The following ZFHX3 variants were observed in gnomAD, a reference collection of about 807,000 sequenced individuals.
ZFHX3 encodes zinc finger homeobox protein 3.
A neutral mutation model predicts 279.1 loss-of-function variants in ZFHX3; 42 were observed. That is an observed-to-expected ratio of 0.15 (90% CI 0.12 to 0.19). The LOEUF (loss-of-function observed/expected upper bound fraction) is 0.19, where lower values mean the gene tolerates loss of function less well. Among genes scored for constraint, ZFHX3 ranks in the 10% least tolerant of loss-of-function variants. ZFHX3 has a pLI of 1.00. For missense variants in ZFHX3, 4,981 were observed against 4,754.0 expected, an observed-to-expected ratio of 1.05 and a Z score of -1.40; for synonymous variants, 2,293 against 1,957.8, an observed-to-expected ratio of 1.17 and a Z score of -4.52.
At chr16:72,854,809 CCTT>C (rs907104093) in intron 4 of ZFHX3, among the ~76,000 whole-genome samples, 7 of 151,864 alleles carry the variant, frequency 4.6e-5, no homozygotes, top group African/African-American at 1.7e-4. Flanking sequence ...TTTTTAAAAC[CCTT>C]CTTAACACTT....
intron 5 of ZFHX3, among the ~76,000 whole-genome samples, chr16:73,148,184 C>A (rs1485880256): frequency 6.6e-6 from 1 of 152,230 alleles, no homozygotes; most frequent in Non-Finnish European, 1.5e-5. Context: ...CTTGTTATGA[C>A]AGAGACAGCA....
At chr16:73,703,630 T>C (rs899180891) in intron 1 of ZFHX3, among the ~76,000 whole-genome samples, 4 of 152,090 alleles carry the variant, frequency 2.6e-5, no homozygotes, top group African/African-American at 9.7e-5. Context: ...ATCGGTAGAC[T>C]GTGCCTACCT....
At chr16:73,437,602 C>T (rs995179662) in intron 3 of ZFHX3, among the ~76,000 whole-genome samples, 2 of 152,028 alleles carry the variant, frequency 1.3e-5, no homozygotes, top group East Asian at 1.9e-4. Flanking sequence ...CCTTTTCTTC[C>T]TATAGAAGAC....
chr16:73,672,583 G>A (rs2052914368), intron 2 of ZFHX3, among the ~76,000 whole-genome samples: 1 of 151,922 alleles, frequency 6.6e-6, no homozygotes, highest in African/African-American at 2.4e-5. Context: ...TATAGAAACT[G>A]AGCATCATAA....
At chr16:73,483,294 C>G (rs1467663378) in intron 2 of ZFHX3, 1 of 432,996 alleles carries the variant, frequency 2.3e-6, no homozygotes, top group African/African-American at 2.1e-5. Context: ...GTGCACGGAG[C>G]CTCCGAGAGA....
chr16:73,269,578 G>C (rs879297470), intron 4 of ZFHX3, among the ~76,000 whole-genome samples: 3 of 152,060 alleles, frequency 2.0e-5, no homozygotes, highest in African/African-American at 7.2e-5. Flanking sequence ...CATCTGGGCT[G>C]TTTCCAACTT....
At chr16:73,456,960 G>A (rs1024096051) in intron 2 of ZFHX3, among the ~76,000 whole-genome samples, 5 of 152,204 alleles carry the variant, frequency 3.3e-5, no homozygotes, top group Admixed American at 2.0e-4. Context: ...TCAGCGAGGC[G>A]TAATAGAAGG....
intron 1 of ZFHX3, among the ~76,000 whole-genome samples, chr16:73,011,715 C>A (rs1396707940): frequency 1.3e-5 from 2 of 151,412 alleles, no homozygotes; most frequent in African/African-American, 4.9e-5. Context: ...GAGCAAGACT[C>A]AATCTCAAGG....
At chr16:72,897,277 A>T (rs1245361332) in intron 3 of ZFHX3, among the ~76,000 whole-genome samples, 2 of 152,168 alleles carry the variant, frequency 1.3e-5, no homozygotes, top group East Asian at 3.9e-4. Flanking sequence ...GGACTATGTA[A>T]TCTCACTAAC....
chr16:73,081,835 C>CTT (rs369769502), intron 8 of ZFHX3, among the ~76,000 whole-genome samples: 42 of 132,974 alleles, frequency 3.2e-4, no homozygotes, highest in Non-Finnish European at 4.0e-4. Context: ...TTGTCCACAT[C>CTT]TTTTTTTTTT....
chr16:73,067,719 T>C (rs1338680416), intron 8 of ZFHX3, among the ~76,000 whole-genome samples: 1 of 152,148 alleles, frequency 6.6e-6, no homozygotes, highest in Non-Finnish European at 1.5e-5. Context: ...CCCCTGCAGC[T>C]TGGCACAGAT....
chr16:72,967,924 T>C (rs1331058082), intron 1 of ZFHX3, among the ~76,000 whole-genome samples: 1 of 95,152 alleles, frequency 1.1e-5, no homozygotes, highest in Non-Finnish European at 2.2e-5. Context: ...AGAGACCCCA[T>C]CTAAAAAAAA....
exon 8 of ZFHX3, chr16:73,093,553 A>G (rs1321354345): frequency 2.0e-6 from 1 of 511,964 alleles, no homozygotes; most frequent in South Asian, 1.4e-5. Context: ...CCTGGAGCCC[A>G]GCCATTTCTC....
intron 2 of ZFHX3, among the ~76,000 whole-genome samples, chr16:73,675,891 A>G (rs2052949507): frequency 6.6e-6 from 1 of 152,110 alleles, no homozygotes; most frequent in African/African-American, 2.4e-5. Context: ...TCAGATATGA[A>G]AATTAATACA....
intron 2 of ZFHX3, among the ~76,000 whole-genome samples, chr16:73,667,338 T>C (rs946786161): frequency 6.6e-6 from 1 of 152,202 alleles, no homozygotes; most frequent in Non-Finnish European, 1.5e-5. Context: ...ACCTGGACGG[T>C]TTCCAGGTTT....
chr16:73,703,573 C>G (rs2053273548), intron 1 of ZFHX3, among the ~76,000 whole-genome samples: 1 of 151,868 alleles, frequency 6.6e-6, no homozygotes, highest in African/African-American at 2.4e-5. Flanking sequence ...CAGAGAGAGT[C>G]ATGAAACGGT....
intron 2 of ZFHX3, among the ~76,000 whole-genome samples, chr16:73,559,086 T>A (rs1267785508): frequency 6.6e-6 from 1 of 151,986 alleles, no homozygotes; most frequent in Non-Finnish European, 1.5e-5. Flanking sequence ...CCTCACTCTG[T>A]CACCTAGCTG....
In ZFHX3 at chr16:73,084,679, G is replaced by A. The variant is rs150798290; in HGVS notation, c.-533+8556C>T. Among the ~76,000 whole-genome samples the A allele has an allele frequency of 4.3e-3, 658 of 151,868 alleles. 9 individuals are homozygous for A. The highest frequency in any genetic ancestry group is 0.024 in the Middle Eastern group (7 of 290). On this transcript the variant is annotated intron_variant, in intron 8 of 17. Transcript: ENST00000641206. ...ACTACAGGTGCCTGCCACCATGCCC[G>A]GCTAATTTTGTTTTGTATTTTTAGT...
chr16:72,930,495 G>C (rs1959728514), intron 3 of ZFHX3, among the ~76,000 whole-genome samples: 1 of 152,082 alleles, frequency 6.6e-6, no homozygotes, highest in South Asian at 2.1e-4. Flanking sequence ...TAAGTGCAAA[G>C]TATCTCGAGG....
Sources: allele counts gnomAD v4.1 joint callset (sites outside exome capture counted in the v4.1 genomes callset), GRCh38; gene constraint gnomAD v4.1.1; transcripts MANE v1.5; gene names NCBI Gene and HGNC (gene_info 2026-07-23, HGNC 2026-07-21).